FAT3: variants seen among roughly 807,000 people sequenced by gnomAD.
FAT3 encodes the protein FAT atypical cadherin 3, also known as protocadherin Fat 3.
FAT3 carries 95 observed loss-of-function variants against 310.2 expected under a neutral mutation model. The observed-to-expected ratio is 0.31, with a 90% CI of 0.26 to 0.36. The LOEUF is 0.36. Among genes scored for constraint, FAT3 ranks in the 10% least tolerant of loss-of-function variants. FAT3 has a pLI of 1.00. For synonymous variants in FAT3, 2,314 were observed against 2,192.9 expected (o/e 1.06, Z -1.54); for missense variants, 5,408 against 5,715.6 (o/e 0.95, Z 1.74).
In FAT3 at chr11:92,354,901, A is replaced by G; in HGVS notation, c.2789A>G (p.Asn930Ser). ...VTLKVFLDDV[N>S]DCSPAFIPSS... ...CTTAAAGTTTTTTTAGATGATGTCA[A>G]TGACTGCTCCCCAGCTTTCATTCCC... is the stretch of plus-strand genomic sequence containing the variant. The change falls in exon 2 of 28, where the codon AAT (asparagine) becomes AGT (serine). Residue 930 changes from asparagine to serine, a missense_variant. Physicochemically the swap from Asn to Ser is conservative, Grantham distance 46 (BLOSUM62 1). This residue lies in a region of FAT3 where 4,588 missense variants were observed against 4,809.8 expected (regional missense o/e 0.95). Transcript: ENST00000525166. 4.3e-6 allele frequency: 7 copies of G among 1,613,906 alleles called. No individual in the cohort carries two copies. The highest frequency in any genetic ancestry group is 5.9e-6 in the Non-Finnish European group (7 of 1,179,868).
intron 7 of FAT3, among the ~76,000 whole-genome samples, chr11:92,774,688 G>C (rs1230600973): frequency 6.6e-6 from 1 of 152,150 alleles, no homozygotes; most frequent in Non-Finnish European, 1.5e-5. Flanking sequence ...ACTCTCTTCT[G>C]CCATTCTAGC....
At chr11:92,487,865 T>A (rs940673996) in intron 2 of FAT3, among the ~76,000 whole-genome samples, 9 of 152,206 alleles carry the variant, frequency 5.9e-5, no homozygotes, top group African/African-American at 2.2e-4. Context: ...TCTGGAAGAC[T>A]TGCCAAACAC....
rs1220737656 is a variant in FAT3 at position 92,883,205 on chromosome 11, A to G, written c.12749A>G (p.Asp4250Gly). Residue 4250 changes from aspartate to glycine, a missense_variant, in exon 24 of 28, where the codon GAT becomes GGT. This residue lies in a region of FAT3 where 649 missense variants were observed against 666.2 expected (regional missense o/e 0.97). Coordinates refer to ENST00000525166, the MANE Select transcript of FAT3 (RefSeq NM_001367949.2). This position sits in a 1 kb window ranked among gnomAD's most constrained non-coding sequence, Gnocchi z 4.2. ...CFQSDSRSNL[D>G]KIVDGLGGEH... is the part of the protein sequence containing the mutation. ...CAGAGTGACTCCAGGAGCAACCTGG[A>G]TAAGATCGTGGACGGGCTGGGAGGC... 2 of 1,613,304 alleles carry G rather than the reference A, an allele frequency of 1.2e-6. No individual in the cohort carries two copies. The highest frequency in any genetic ancestry group is 4.5e-5 in the East Asian group (2 of 44,858).
Position 92,882,940 on chromosome 11 carries a change from C to T in FAT3, c.12484C>T (p.Leu4162Phe), listed in dbSNP as rs2136411178. The T allele has an allele frequency of 1.2e-6, 2 of 1,613,524 alleles. No homozygotes were observed. Among genetic ancestry groups the T allele is most frequent in the Non-Finnish European group, 1.7e-6 (2 of 1,179,720 alleles). The change falls in exon 24 of 28, where the codon CTC becomes TTC. Residue 4162 changes from leucine (L) to phenylalanine (F), a missense_variant. Physicochemically the swap from Leu to Phe is conservative, Grantham distance 22. Around this residue, in one of 5 missense-constraint regions of FAT3, gnomAD observed 649 missense variants for 666.2 expected, o/e 0.97. Coordinates refer to ENST00000525166, the MANE Select transcript of FAT3 (RefSeq NM_001367949.2). ...KEELIGIAVV[L>F]FVIFILVVLF... The stretch of plus-strand genomic sequence containing the variant: ...GGAGCTCATCGGCATCGCCGTGGTC[C>T]TCTTCGTCATCTTCATCCTGGTGGT...
intron 2 of FAT3, among the ~76,000 whole-genome samples, chr11:92,418,904 T>C (rs1950477752): frequency 6.6e-6 from 1 of 152,186 alleles, no homozygotes; most frequent in South Asian, 2.1e-4. Context: ...AAATTGTGCC[T>C]ATGATAGCTT....
chr11:92,457,038 G>C (rs1249630899), intron 2 of FAT3, among the ~76,000 whole-genome samples: 1 of 152,192 alleles, frequency 6.6e-6, no homozygotes, highest in Non-Finnish European at 1.5e-5. Flanking sequence ...TCCAAGACTG[G>C]AGGGGAGACA....
At chr11:92,329,623 T>TC (rs1467488535) in intron 1 of FAT3, among the ~76,000 whole-genome samples, 1 of 109,518 alleles carries the variant, frequency 9.1e-6, no homozygotes, top group Non-Finnish European at 1.9e-5. Context: ...ATTTTTTTTT[T>TC]CTCTTTGTGA....
At chr11:92,276,668 A>G (rs1199513790) in intron 1 of FAT3, among the ~76,000 whole-genome samples, 1 of 152,146 alleles carries the variant, frequency 6.6e-6, no homozygotes, top group East Asian at 1.9e-4. Flanking sequence ...ACATAGCACA[A>G]TCTGTAGTGG....
intron 3 of FAT3, among the ~76,000 whole-genome samples, chr11:92,577,429 A>AT (rs765975933): frequency 2.0e-5 from 3 of 151,994 alleles, no homozygotes; most frequent in Non-Finnish European, 4.4e-5. Context: ...TTTAAGTATT[A>AT]TTTTTAATTG....
intron 3 of FAT3, among the ~76,000 whole-genome samples, chr11:92,622,309 T>C (rs753111052): frequency 1.3e-5 from 2 of 152,052 alleles, no homozygotes; most frequent in Non-Finnish European, 2.9e-5. Flanking sequence ...AACATAATTA[T>C]GAAAGACTTC....
chr11:92,226,073 C>G (rs1033959305), intron 1 of FAT3, among the ~76,000 whole-genome samples: 5 of 152,142 alleles, frequency 3.3e-5, no homozygotes, highest in African/African-American at 1.2e-4. Context: ...GGACGAATCC[C>G]CTCTACAGGC....
intron 2 of FAT3, among the ~76,000 whole-genome samples, chr11:92,519,119 G>A (rs1397016916): frequency 6.6e-6 from 1 of 152,062 alleles, no homozygotes; most frequent in Non-Finnish European, 1.5e-5. Flanking sequence ...AGCAAAGTTG[G>A]AAGACTTACA....
chr11:92,832,110 C>A lies in FAT3; in HGVS notation c.9871+99C>A, dbSNP rs1046837208. On this transcript the variant is annotated intron_variant, in intron 14 of 27. Transcript: ENST00000525166. The stretch of plus-strand genomic sequence containing the variant: ...CTTTGGGAGGCTGAGGCAAGAAGAT[C>A]GAGTGAGTCCAGGAGTTCAGGACTA... The A allele has an allele frequency of 1.6e-5, 21 of 1,331,604 alleles. No individual in the cohort carries two copies. In the African/African-American group the frequency reaches 3.1e-4, roughly 20 times the overall value. The allele number at this position is 1,331,604 out of a possible 1,614,324, so 82.5% of individuals were successfully genotyped here. A position where few individuals can be genotyped will look rare whatever the true frequency, so the allele number is the denominator to read the frequency against.
chr11:92,416,276 C>T (rs1190369688), intron 2 of FAT3, among the ~76,000 whole-genome samples: 2 of 148,696 alleles, frequency 1.3e-5, no homozygotes, highest in African/African-American at 5.0e-5. Context: ...CCCAGCTACT[C>T]GGGAGGCTGA....
At chr11:92,811,160 T>A (rs980064798) in intron 13 of FAT3, among the ~76,000 whole-genome samples, 1 of 152,150 alleles carries the variant, frequency 6.6e-6, no homozygotes, top group African/African-American at 2.4e-5. Flanking sequence ...TGAAAAATGG[T>A]AAACAAGAAA....
chr11:92,798,970 T>C lies in FAT3; in HGVS notation c.5957T>C (p.Phe1986Ser). The C allele has an allele frequency of 6.2e-7, 1 of 1,613,948 alleles. No individual in the cohort carries two copies. Among genetic ancestry groups the C allele is most frequent in the Non-Finnish European group, 8.5e-7 (1 of 1,179,866 alleles). ...MDSGLHFTQSFYSTSISENNT... is the reference protein window; with the variant it reads ...MDSGLHFTQSSYSTSISENNT... The stretch of plus-strand genomic sequence containing the variant: ...AGCGGCCTCCACTTTACACAAAGCT[T>C]CTATTCCACCTCAATCTCAGAGAAC... The change falls in exon 10 of 28, where the codon TTC becomes TCC. Residue 1986 changes from phenylalanine (F) to serine (S), a missense_variant. Phe to Ser is a radical substitution (Grantham distance 155, BLOSUM62 -2). This residue lies in a region of FAT3 where 4,588 missense variants were observed against 4,809.8 expected (regional missense o/e 0.95). Coordinates refer to ENST00000525166, the MANE Select transcript of FAT3 (RefSeq NM_001367949.2).
intron 3 of FAT3, among the ~76,000 whole-genome samples, chr11:92,602,228 C>T (rs1175492503): frequency 6.6e-6 from 1 of 151,982 alleles, no homozygotes; most frequent in Non-Finnish European, 1.5e-5. Flanking sequence ...TGTCTGCCAC[C>T]ACGCCCGGCT....
intron 2 of FAT3, among the ~76,000 whole-genome samples, chr11:92,419,293 C>T (rs1950488358): frequency 6.6e-6 from 1 of 152,132 alleles, no homozygotes; most frequent in Admixed American, 6.6e-5. Flanking sequence ...GTGCTATGCT[C>T]CTATTTTCAT....
chr11:92,320,947 C>T (rs947697590), intron 1 of FAT3, among the ~76,000 whole-genome samples: 2 of 151,866 alleles, frequency 1.3e-5, no homozygotes, highest in Non-Finnish European at 2.9e-5. Context: ...TATTCTCACA[C>T]AGTTTGAATT....
Sources: gnomAD v4.1 joint callset for allele counts (sites outside exome capture counted in the v4.1 genomes callset) on GRCh38, gnomAD v4.1.1 for gene constraint, gnomAD v4.1.1 regional missense constraint, Gnocchi (gnomAD v3.1) non-coding constraint, MANE v1.5 for transcripts, NCBI Gene and HGNC (gene_info 2026-07-23, HGNC 2026-07-21) for gene names.